Variants in RAD52 observed in about 807,000 individuals in gnomAD.
RAD52 encodes RAD52 DNA repair protein, also known as DNA repair protein RAD52 homolog.
In RAD52, 47 loss-of-function variants were observed where a neutral mutation model predicts 55.5. The observed-to-expected ratio is 0.85, with a 90% confidence interval of 0.67 to 1.08. The LOEUF (loss-of-function observed/expected upper bound fraction) is 1.08. RAD52 is among the 50% of genes least tolerant of loss of function. The pLI is 0.00. For synonymous variants in RAD52, 184 were observed against 198.9 expected, an observed-to-expected ratio of 0.92 and a Z score of 0.63; for missense variants, 468 against 522.8, an observed-to-expected ratio of 0.90 and a Z score of 1.02.
intron 1 of RAD52, among the ~76,000 whole-genome samples, chr12:935,944 C>T (rs1187015576): frequency 6.8e-6 from 1 of 147,516 alleles, no homozygotes; most frequent in African/African-American, 2.5e-5. Context: ...ATCTCGAACT[C>T]CTGACCTCAA....
chr12:963,892 A>G (rs1958721361), intron 1 of RAD52, among the ~76,000 whole-genome samples: 1 of 152,174 alleles, frequency 6.6e-6, no homozygotes, highest in African/African-American at 2.4e-5. Flanking sequence ...TACTCTTTCA[A>G]ATGGAGCGAT....
At chr12:920,473 T>C (rs1370011434) in intron 7 of RAD52, among the ~76,000 whole-genome samples, 2 of 148,238 alleles carry the variant, frequency 1.3e-5, no homozygotes, top group Non-Finnish European at 1.5e-5. Context: ...AGGAGAATGG[T>C]GTGAACCCAG....
In RAD52 at chr12:932,824, C is replaced by CCG. The variant is rs1957400116; in HGVS notation, c.84+150_84+151insCG. ...GTACTAGGTACTGCTCACACACGTA[C>CCG]TAGGTAAACGTACTAGGTACTGCTC... On this transcript the variant is annotated intron_variant, in intron 2 of 11. Coordinates refer to ENST00000358495, the MANE Select transcript of RAD52 (RefSeq NM_134424.4). 7.7e-5 allele frequency: 14 copies of CCG among 181,282 alleles called. 1 individual carries two copies. Among genetic ancestry groups the CCG allele is most frequent in the Non-Finnish European group, 4.7e-5 (4 of 85,636 alleles). 11.2% of individuals were successfully genotyped at this position (181,282 alleles called of 1,614,324 possible).
chr12:964,252 TG>T (rs1440628854), intron 1 of RAD52, among the ~76,000 whole-genome samples: 3 of 151,610 alleles, frequency 2.0e-5, no homozygotes, highest in Non-Finnish European at 2.9e-5. Flanking sequence ...AAAAGAAAGG[TG>T]GGGGGAAAGA....
intron 1 of RAD52, 98 bp from the exon 2 acceptor site, chr12:933,174 T>C (rs1957430217): frequency 2.4e-6 from 2 of 849,106 alleles, no homozygotes; most frequent in East Asian, 5.1e-5. Context: ...AGAATCCTTA[T>C]GCGGCCAGGC....
chr12:971,127 G>A (rs1312849335), intron 1 of RAD52, among the ~76,000 whole-genome samples: 1 of 152,134 alleles, frequency 6.6e-6, no homozygotes, highest in Non-Finnish European at 1.5e-5. Flanking sequence ...AGCTCCTTTG[G>A]TTGGAGAAGA....
At chr12:971,556 G>A (rs565380142) in intron 1 of RAD52, among the ~76,000 whole-genome samples, 6 of 151,980 alleles carry the variant, frequency 3.9e-5, no homozygotes, top group Admixed American at 2.6e-4. Context: ...CAAGATTTCC[G>A]TTTTTTAAAT....
upstream of RAD52, chr12:990,934 C>CGTGTGTGTGTGTGTGTGTGTGTGT (rs758442595): frequency 7.1e-4 from 71 of 99,404 alleles, no homozygotes; most frequent in African/African-American, 2.1e-3. Flanking sequence ...CCGCAGGGGT[C>CGTGTGTGTGTGTGTGTGTGTGTGT]GTGTGTGTGT....
chr12:984,966 C>T (rs1449720617), intron 1 of RAD52, among the ~76,000 whole-genome samples: 1 of 151,496 alleles, frequency 6.6e-6, no homozygotes. Context: ...CGCCTGTCCA[C>T]ACCAGGCTAA....
chr12:936,250 G>A (rs1362571631), intron 1 of RAD52, among the ~76,000 whole-genome samples: 1 of 151,944 alleles, frequency 6.6e-6, no homozygotes, highest in Non-Finnish European at 1.5e-5. Flanking sequence ...GTTGCAGTGA[G>A]CCGAGACCAC....
intron 7 of RAD52, among the ~76,000 whole-genome samples, chr12:917,295 G>T (rs1956450026): frequency 6.6e-6 from 1 of 152,192 alleles, no homozygotes; most frequent in African/African-American, 2.4e-5. Flanking sequence ...GACGCCGGCT[G>T]CCAGCCAAGG....
intron 1 of RAD52, among the ~76,000 whole-genome samples, chr12:983,680 A>C (rs1199593791): frequency 6.6e-6 from 1 of 152,128 alleles, no homozygotes; most frequent in African/African-American, 2.4e-5. Context: ...TTGGCCTCCC[A>C]AAGTGCTGGG....
chr12:929,724 C>T, intron 5 of RAD52, 95 bp downstream of exon 5: 1 of 1,197,692 alleles, frequency 8.3e-7, no homozygotes, highest in Non-Finnish European at 1.3e-6. Context: ...ACTCTGGAGC[C>T]TGGGTCCCCG....
In RAD52 at chr12:914,778, C is replaced by T. The variant is rs566732348; in HGVS notation, c.866-246G>A. ...AACAAGTTTCTTTCTCCTTTCACAG[C>T]AAAAGTAAAAGGTTTCTCACAGGCC... On this transcript the variant is annotated intron_variant, in intron 9 of 11. Transcript: ENST00000358495. 2.6e-5 allele frequency among the ~76,000 whole-genome samples: 4 copies of T among 152,290 alleles called. No homozygotes were observed. The East Asian group carries it at 7.7e-4, about 29-fold the overall frequency.
intron 1 of RAD52, among the ~76,000 whole-genome samples, chr12:979,746 A>G (rs1243115400): frequency 6.6e-6 from 1 of 152,098 alleles, no homozygotes; most frequent in Non-Finnish European, 1.5e-5. Context: ...ACTTTGCAGT[A>G]TTTTATTATG....
intron 1 of RAD52, among the ~76,000 whole-genome samples, chr12:979,889 T>C (rs570081006): frequency 1.3e-5 from 2 of 151,858 alleles, no homozygotes; most frequent in Non-Finnish European, 2.9e-5. Context: ...CTACTAAAAA[T>C]ACAAAAAATT....
chr12:968,731 G>C (rs1309121066), intron 1 of RAD52, among the ~76,000 whole-genome samples: 1 of 151,986 alleles, frequency 6.6e-6, no homozygotes, highest in African/African-American at 2.4e-5. Context: ...ATATGCATAG[G>C]GCTGTGTGCA....
chr12:918,630 C>T (rs1956539196), intron 7 of RAD52, among the ~76,000 whole-genome samples: 2 of 151,988 alleles, frequency 1.3e-5, no homozygotes, highest in East Asian at 3.9e-4. Context: ...GGCTGGTCTC[C>T]AACTCTTGGG....
chr12:920,806 G>A (rs1956686861), intron 7 of RAD52, among the ~76,000 whole-genome samples: 1 of 152,136 alleles, frequency 6.6e-6, no homozygotes, highest in African/African-American at 2.4e-5. Flanking sequence ...GGACCTAACA[G>A]TCATATACAT....
Sources: allele counts gnomAD v4.1 joint callset (sites outside exome capture counted in the v4.1 genomes callset), GRCh38; gene constraint gnomAD v4.1.1; transcripts MANE v1.5; gene names NCBI Gene and HGNC (gene_info 2026-07-23, HGNC 2026-07-21).